CPO: variants seen among roughly 807,000 people sequenced by gnomAD.
CPO encodes the protein carboxypeptidase O.
A neutral mutation model predicts 41.2 loss-of-function variants in CPO; 43 were observed. That is an observed-to-expected ratio of 1.04 (90% CI 0.82 to 1.35). CPO has a LOEUF of 1.35. CPO is among the 40% of genes most tolerant of loss of function. The pLI is 0.00. For missense variants in CPO, 408 were observed against 451.7 expected, an observed-to-expected ratio of 0.90 and a Z score of 0.88; for synonymous variants, 178 against 162.7, an observed-to-expected ratio of 1.09 and a Z score of -0.72.
intron 4 of CPO, among the ~76,000 whole-genome samples, chr2:206,958,707 T>G (rs1287417860): frequency 6.7e-6 from 1 of 149,630 alleles, no homozygotes; most frequent in Admixed American, 6.7e-5. Context: ...CTCTTTCTAA[T>G]AGTATTTGGC....
At chr2:206,962,964 G>C (rs1574355800) in intron 7 of CPO, among the ~76,000 whole-genome samples, 1 of 152,168 alleles carries the variant, frequency 6.6e-6, no homozygotes, top group East Asian at 1.9e-4. Flanking sequence ...TACAGCTTTT[G>C]AACCGTGCTT....
At chr2:206,950,461 C>G (rs71455822) in intron 2 of CPO, among the ~76,000 whole-genome samples, 1 of 152,090 alleles carries the variant, frequency 6.6e-6, no homozygotes, top group East Asian at 1.9e-4. Flanking sequence ...GAAATAGGAA[C>G]GCTTTTACAC....
chr2:206,968,232 A>C, intron 7 of CPO, 31 bp from the exon 8 acceptor site: 1 of 1,379,540 alleles, frequency 7.2e-7, no homozygotes, highest in Non-Finnish European at 1.0e-6. Flanking sequence ...TTTAAACACC[A>C]GATATCTGTC....
chr2:206,963,467 A>C (rs1693517473), intron 7 of CPO, among the ~76,000 whole-genome samples: 1 of 152,220 alleles, frequency 6.6e-6, no homozygotes. Context: ...TTCATCTTGC[A>C]TAATTGAAAC....
intron 7 of CPO, among the ~76,000 whole-genome samples, chr2:206,965,681 T>C (rs1693559428): frequency 6.6e-6 from 1 of 152,152 alleles, no homozygotes; most frequent in Non-Finnish European, 1.5e-5. Context: ...TCAACCATTC[T>C]GTGGGCCTGC....
chr2:206,955,316 G>T, intron 2 of CPO, 147 bp from the exon 3 acceptor site: 1 of 643,274 alleles, frequency 1.6e-6, no homozygotes, highest in South Asian at 1.9e-5. Context: ...ATGGGAGGTT[G>T]TTTTCTGTTT....
chr2:206,966,633 G>A (rs1693581476), intron 7 of CPO, among the ~76,000 whole-genome samples: 1 of 152,024 alleles, frequency 6.6e-6, no homozygotes, highest in South Asian at 2.1e-4. Context: ...TCTCAATTCT[G>A]GATAACACAA....
chr2:206,958,413 T>C lies in CPO; in HGVS notation c.372+8T>C. ...CAATGGTTCGTCAAAGAAGTAAGTGTCTTTAGCTTTCTCATACTGGTAAAT... is the reference window on the plus strand; with the variant it reads ...CAATGGTTCGTCAAAGAAGTAAGTGCCTTTAGCTTTCTCATACTGGTAAAT... On this transcript the variant is annotated splice_region_variant and intron_variant, in intron 4 of 8. Coordinates refer to ENST00000272852, the MANE Select transcript of CPO (RefSeq NM_173077.3). 6.8e-7 allele frequency: 1 copy of C among 1,464,966 alleles called. No individual in the cohort carries two copies. Among genetic ancestry groups the C allele is most frequent in the African/African-American group, 1.4e-5 (1 of 71,434 alleles). The allele number at this position is 1,464,966 out of a possible 1,614,324, so 90.7% of individuals were successfully genotyped here.
rs144705964 is a variant in CPO at position 206,969,278 on chromosome 2, G to A, written c.967G>A (p.Glu323Lys). The A allele has an allele frequency of 1.9e-4, 308 of 1,614,008 alleles. No homozygotes were observed. The highest frequency in any genetic ancestry group is 2.3e-4 in the Non-Finnish European group (277 of 1,180,024). The change falls in exon 9 of 9, where the codon GAA becomes AAA. Residue 323 changes from glutamate (E) to lysine (K), a missense_variant. By Grantham distance (56) the Glu-to-Lys change is moderately conservative. Transcript: ENST00000272852. The part of the protein sequence containing the change: ...DSGTYGFVLP[E>K]AQIQPTCEET... ...TGGAACATATGGGTTTGTTCTGCCA[G>A]AAGCTCAGATCCAGCCCACCTGTGA...
At chr2:206,953,306 G>A (rs1435661191) in intron 2 of CPO, among the ~76,000 whole-genome samples, 3 of 152,110 alleles carry the variant, frequency 2.0e-5, no homozygotes, top group Non-Finnish European at 4.4e-5. Flanking sequence ...AAGCAAGTTA[G>A]TTACTTCCTA....
At chr2:206,963,243 C>T (rs1312309721) in intron 7 of CPO, among the ~76,000 whole-genome samples, 1 of 152,094 alleles carries the variant, frequency 6.6e-6, no homozygotes, top group Non-Finnish European at 1.5e-5. Context: ...GCTCTTTGCC[C>T]TTTTGTGAAC....
chr2:206,941,263 T>C (rs1162130079), intron 1 of CPO, among the ~76,000 whole-genome samples: 1 of 151,938 alleles, frequency 6.6e-6, no homozygotes, highest in Non-Finnish European at 1.5e-5. Context: ...TGCTGATATG[T>C]GATATAGGAC....
At chr2:206,966,311 G>C (rs1203496533) in intron 7 of CPO, among the ~76,000 whole-genome samples, 1 of 151,368 alleles carries the variant, frequency 6.6e-6, no homozygotes, top group East Asian at 1.9e-4. Context: ...CCCAATGAAA[G>C]GTAAGGCCCC....
In CPO at chr2:206,969,171, T is replaced by C. The variant is rs1693637426; in HGVS notation, c.863-3T>C. ...ACCTCTGCCTTCATGTTTTCACCTG[T>C]AGATGCCTCATCAGGGTCTTCAAGA... On this transcript the variant is annotated splice_polypyrimidine_tract_variant and splice_region_variant and intron_variant, in intron 8 of 8. Coordinates refer to ENST00000272852, the MANE Select transcript of CPO (RefSeq NM_173077.3). The C allele has an allele frequency of 1.2e-6, 2 of 1,613,976 alleles. No individual in the cohort carries two copies. The highest frequency in any genetic ancestry group is 2.2e-5 in the East Asian group (1 of 44,884).
intron 1 of CPO, among the ~76,000 whole-genome samples, chr2:206,944,472 A>G (rs770701301): frequency 6.6e-4 from 100 of 152,034 alleles, no homozygotes; most frequent in Non-Finnish European, 1.1e-3. Context: ...TAAATATTAT[A>G]AATAGATTTG....
chr2:206,941,847 A>G (rs1693035027), intron 1 of CPO, among the ~76,000 whole-genome samples: 2 of 152,104 alleles, frequency 1.3e-5, no homozygotes, highest in Non-Finnish European at 2.9e-5. Flanking sequence ...AATCTCCCAT[A>G]TGTTATATAT....
Position 206,949,699 on chromosome 2 carries a change from C to A in CPO, c.151C>A (p.His51Asn). The A allele has an allele frequency of 6.2e-7, 1 of 1,609,570 alleles. No individual in the cohort carries two copies. The highest frequency in any genetic ancestry group is 8.5e-7 in the Non-Finnish European group (1 of 1,176,138). ...SLETYSYNIY[H>N]PMGEIYEWMR... ...GGAGACGTATTCCTATAACATATAC[C>A]ACCCCATGGGAGAGGTAAGGAAGGA... is the stretch of plus-strand genomic sequence containing the variant. The change falls in exon 2 of 9, where the codon CAC becomes AAC. Residue 51 changes from histidine to asparagine, a missense_variant. Physicochemically the swap from His to Asn is moderately conservative, Grantham distance 68. Coordinates refer to ENST00000272852, the MANE Select transcript of CPO (RefSeq NM_173077.3).
chr2:206,961,036 A>G (rs564619276), intron 6 of CPO, 94 bp downstream of exon 6: 2 of 893,126 alleles, frequency 2.2e-6, no homozygotes, highest in Admixed American at 1.8e-5. Flanking sequence ...TGAAAATAAC[A>G]TCTAATATGG....
intron 3 of CPO, 132 bp downstream of exon 3, chr2:206,955,696 T>C: frequency 1.5e-6 from 1 of 650,466 alleles, no homozygotes; most frequent in South Asian, 1.8e-5. Context: ...CCACCCCAAA[T>C]GGGGCTCTTA....
Sources: gnomAD v4.1 joint callset for allele counts (sites outside exome capture counted in the v4.1 genomes callset) on GRCh38, gnomAD v4.1.1 for gene constraint, MANE v1.5 for transcripts, NCBI Gene and HGNC (gene_info 2026-07-23, HGNC 2026-07-21) for gene names.